The following CCDC91 variants were observed in gnomAD, a reference collection of about 807,000 sequenced individuals.
CCDC91 encodes the protein coiled-coil domain containing 91, also known as coiled-coil domain-containing protein 91.
CCDC91 carries 48 observed loss-of-function variants against 63.2 expected under a neutral mutation model. That is an observed-to-expected ratio of 0.76 (90% CI 0.60 to 0.97). CCDC91 has a LOEUF of 0.97. CCDC91 is among the 50% of genes least tolerant of loss of function. The probability of loss-of-function intolerance (pLI) is 0.00; values close to 1 mark genes in which losing one functional copy is unlikely to be tolerated. For missense variants in CCDC91, 500 were observed against 494.6 expected (o/e 1.01, Z -0.10); for synonymous variants, 167 against 165.8 (o/e 1.01, Z -0.06).
intron 1 of CCDC91, among the ~76,000 whole-genome samples, chr12:28,228,136 T>C (rs1464732670): frequency 6.6e-6 from 1 of 152,110 alleles, no homozygotes; most frequent in Non-Finnish European, 1.5e-5. Context: ...AGGTACCTTA[T>C]CATTCAACAA....
chr12:28,482,464 A>G (rs1238171893), intron 11 of CCDC91, among the ~76,000 whole-genome samples: 2 of 151,902 alleles, frequency 1.3e-5, no homozygotes, highest in Admixed American at 6.6e-5. Flanking sequence ...TAAGGAAGGG[A>G]ATAAAAAATA....
chr12:28,422,043 A>C (rs1027978434), intron 8 of CCDC91, among the ~76,000 whole-genome samples: 1 of 152,108 alleles, frequency 6.6e-6, no homozygotes, highest in African/African-American at 2.4e-5. Flanking sequence ...ATTAATGTAT[A>C]ATAGTCTTTG....
intron 12 of CCDC91, among the ~76,000 whole-genome samples, chr12:28,521,312 G>A (rs968930169): frequency 3.3e-5 from 5 of 151,930 alleles, no homozygotes; most frequent in African/African-American, 1.2e-4. Flanking sequence ...GGATTCCTAG[G>A]TATTTTATTC....
At chr12:28,504,128 A>AT (rs1437372903) in intron 12 of CCDC91, among the ~76,000 whole-genome samples, 1 of 151,744 alleles carries the variant, frequency 6.6e-6, no homozygotes, top group Non-Finnish European at 1.5e-5. Context: ...CAACTCCAAA[A>AT]AAAAATAAGT....
chr12:28,475,229 A>C (rs1951021927), intron 11 of CCDC91, among the ~76,000 whole-genome samples: 2 of 152,094 alleles, frequency 1.3e-5, no homozygotes, highest in African/African-American at 2.4e-5. Context: ...GCCTTCCTTC[A>C]TTTTTTTAAG....
intron 12 of CCDC91, among the ~76,000 whole-genome samples, chr12:28,501,656 G>T (rs1219488814): frequency 6.6e-6 from 1 of 151,720 alleles, no homozygotes; most frequent in Non-Finnish European, 1.5e-5. Flanking sequence ...AAGGATATTG[G>T]TCTAAAATTC....
intron 6 of CCDC91, among the ~76,000 whole-genome samples, chr12:28,348,973 C>T (rs1045873192): frequency 6.6e-5 from 10 of 152,192 alleles, no homozygotes; most frequent in African/African-American, 2.4e-4. Context: ...ATCCACCCAC[C>T]TTGGCCTCCC....
chr12:28,252,449 T>C (rs1250092476), intron 1 of CCDC91, among the ~76,000 whole-genome samples: 2 of 151,998 alleles, frequency 1.3e-5, no homozygotes, highest in Non-Finnish European at 2.9e-5. Flanking sequence ...TTTTTTTTAC[T>C]CTGACTTCCC....
intron 11 of CCDC91, among the ~76,000 whole-genome samples, chr12:28,472,242 G>A (rs913870209): frequency 2.0e-5 from 3 of 152,140 alleles, no homozygotes; most frequent in African/African-American, 7.2e-5. Context: ...TTGAGCGGCT[G>A]ATTGCAGATA....
chr12:28,525,287 T>C lies in CCDC91; in HGVS notation c.1216-23776T>C, dbSNP rs181372115. 6.5e-3 allele frequency among the ~76,000 whole-genome samples: 991 copies of C among 152,248 alleles called. 14 individuals carry two copies. Among genetic ancestry groups the C allele is most frequent in the South Asian group, 0.058 (282 of 4,824 alleles). Reference sequence around the variant, plus strand: ...CACCTTTGCTGTATCCCAGAGGTATTGATAGGTTGTGTCACTATTGTCATT... The same window carrying C: ...CACCTTTGCTGTATCCCAGAGGTATCGATAGGTTGTGTCACTATTGTCATT... On this transcript the variant is annotated intron_variant, in intron 12 of 12. Coordinates refer to ENST00000536442, the MANE Select transcript of CCDC91 (RefSeq NM_018318.5).
At chr12:28,301,465 A>T (rs916653928) in intron 3 of CCDC91, among the ~76,000 whole-genome samples, 2 of 151,324 alleles carry the variant, frequency 1.3e-5, no homozygotes, top group African/African-American at 4.8e-5. Context: ...TCATTTTTTT[A>T]ATATTTTATT....
At chr12:28,342,446 G>C (rs912539502) in intron 6 of CCDC91, among the ~76,000 whole-genome samples, 2 of 152,196 alleles carry the variant, frequency 1.3e-5, no homozygotes, top group South Asian at 4.1e-4. Context: ...GGGGATGAAA[G>C]TCTGTTGGAG....
intron 7 of CCDC91, among the ~76,000 whole-genome samples, chr12:28,382,143 G>A (rs1945333274): frequency 6.6e-6 from 1 of 151,926 alleles, no homozygotes. Context: ...GTCTTAACAT[G>A]TTTGCTGTAA....
At chr12:28,391,703 G>A (rs1405017925) in intron 8 of CCDC91, among the ~76,000 whole-genome samples, 2 of 152,062 alleles carry the variant, frequency 1.3e-5, no homozygotes, top group Admixed American at 6.6e-5. Context: ...GCATTATGGC[G>A]AGTAAATGAT....
chr12:28,521,449 T>G (rs1248733068), intron 12 of CCDC91, among the ~76,000 whole-genome samples: 1 of 152,212 alleles, frequency 6.6e-6, no homozygotes, highest in Non-Finnish European at 1.5e-5. Context: ...CTGAATTTGC[T>G]TATGAGCTTA....
chr12:28,272,768 T>C (rs1947873514), intron 3 of CCDC91, among the ~76,000 whole-genome samples: 1 of 152,084 alleles, frequency 6.6e-6, no homozygotes. Context: ...CACTTTAGAG[T>C]ATTGTATCAT....
intron 11 of CCDC91, among the ~76,000 whole-genome samples, chr12:28,468,511 C>T (rs1270325467): frequency 6.6e-6 from 1 of 151,900 alleles, no homozygotes; most frequent in Non-Finnish European, 1.5e-5. Context: ...TTTCACCAAA[C>T]ATTTAAATCA....
chr12:28,267,839 ATATAATTATATAGTAATATATAATTATAT>A (rs1178067012), intron 3 of CCDC91, among the ~76,000 whole-genome samples: 2 of 18,632 alleles, frequency 1.1e-4, no homozygotes, highest in African/African-American at 1.4e-4. Context: ...ATATAATTAT[ATATAATTATATAGTAATATATAATTATAT>A]ATAATTATAT....
chr12:28,271,511 T>C (rs1029463024), intron 3 of CCDC91, among the ~76,000 whole-genome samples: 2 of 152,122 alleles, frequency 1.3e-5, no homozygotes, highest in Non-Finnish European at 2.9e-5. Context: ...ACTTGAATTT[T>C]TTAAAAAGTA....
Sources: gnomAD v4.1 joint callset for allele counts (sites outside exome capture counted in the v4.1 genomes callset) on GRCh38, gnomAD v4.1.1 for gene constraint, MANE v1.5 for transcripts, NCBI Gene and HGNC (gene_info 2026-07-23, HGNC 2026-07-21) for gene names.